Variants in SGCZ observed in about 807,000 individuals in gnomAD.
SGCZ encodes the protein zeta-sarcoglycan.
Under a neutral mutation model 41.3 loss-of-function variants are expected in SGCZ, and 40 were observed. The observed-to-expected ratio is 0.97, with a 90% confidence interval of 0.75 to 1.26. The LOEUF (loss-of-function observed/expected upper bound fraction) is 1.26. SGCZ is among the 50% of genes most tolerant of loss of function. The probability of loss-of-function intolerance (pLI) is 0.00; values close to 1 mark genes in which losing one functional copy is unlikely to be tolerated. For missense variants in SGCZ, 552 were observed against 369.8 expected (o/e 1.49, Z -4.04); for synonymous variants, 206 against 137.5 (o/e 1.50, Z -3.49).
intron 1 of SGCZ, among the ~76,000 whole-genome samples, chr8:14,959,379 T>C (rs753477879): frequency 1.3e-5 from 2 of 152,068 alleles, no homozygotes; most frequent in Non-Finnish European, 2.9e-5. Flanking sequence ...GAGTGAAAGT[T>C]TCAAATTAGC....
intron 2 of SGCZ, among the ~76,000 whole-genome samples, chr8:14,450,461 T>A (rs1254929060): frequency 6.6e-6 from 1 of 152,200 alleles, no homozygotes; most frequent in Non-Finnish European, 1.5e-5. Flanking sequence ...CTTGAAAGTG[T>A]AAGAGAAAAT....
At chr8:14,327,655 G>T (rs1198981551) in intron 2 of SGCZ, among the ~76,000 whole-genome samples, 2 of 152,088 alleles carry the variant, frequency 1.3e-5, no homozygotes, top group East Asian at 3.9e-4. Context: ...TTTGATTTTG[G>T]AGTTTTCAGT....
In SGCZ at chr8:15,170,466, C is replaced by A. The variant is rs184750351; in HGVS notation, c.39+67119G>T. Among the ~76,000 whole-genome samples the A allele has an allele frequency of 4.6e-5, 7 of 152,320 alleles. No individual in the cohort carries two copies. The East Asian group carries it at 1.4e-3, about 29-fold the overall frequency. ...CTTTCCACCCCTGCTTAGAGACCAG[C>A]TTTCCACCTCTCAGAGACCATTCTG... On this transcript the variant is annotated intron_variant, in intron 1 of 7. Transcript: ENST00000382080.
intron 3 of SGCZ, among the ~76,000 whole-genome samples, chr8:14,277,840 T>C (rs1438588567): frequency 6.6e-6 from 1 of 152,024 alleles, no homozygotes; most frequent in Non-Finnish European, 1.5e-5. Context: ...GTAATTGTCT[T>C]AAAATCCCCC....
At chr8:14,926,324 A>C (rs1799748813) in intron 1 of SGCZ, among the ~76,000 whole-genome samples, 1 of 152,224 alleles carries the variant, frequency 6.6e-6, no homozygotes, top group Non-Finnish European at 1.5e-5. Context: ...ACAAATTGTT[A>C]TATCTAATCT....
intron 1 of SGCZ, among the ~76,000 whole-genome samples, chr8:15,108,721 A>G (rs1407533648): frequency 7.6e-4 from 116 of 152,290 alleles, no homozygotes; most frequent in Admixed American, 7.6e-3. Context: ...TTTGAAAATT[A>G]AAAGAATGAA....
chr8:14,814,777 T>C (rs1445654764), intron 1 of SGCZ, among the ~76,000 whole-genome samples: 1 of 152,150 alleles, frequency 6.6e-6, no homozygotes, highest in African/African-American at 2.4e-5. Flanking sequence ...CTATTTCTTT[T>C]TTCTTGAGCA....
chr8:15,141,590 C>G (rs770586340), intron 1 of SGCZ, among the ~76,000 whole-genome samples: 6 of 152,152 alleles, frequency 3.9e-5, no homozygotes, highest in Non-Finnish European at 5.9e-5. Flanking sequence ...GAAGGCTCTG[C>G]CCAAGAAGGC....
intron 1 of SGCZ, among the ~76,000 whole-genome samples, chr8:14,729,377 C>T (rs1252033778): frequency 6.6e-6 from 1 of 152,166 alleles, no homozygotes; most frequent in Non-Finnish European, 1.5e-5. Flanking sequence ...AAAATTCATA[C>T]ATTGAAACCC....
intron 1 of SGCZ, among the ~76,000 whole-genome samples, chr8:14,905,904 T>C (rs1799108381): frequency 6.6e-6 from 1 of 152,024 alleles, no homozygotes; most frequent in African/African-American, 2.4e-5. Context: ...TATACAAATA[T>C]ACACACTTAT....
In SGCZ at chr8:14,729,480, C is replaced by T. The variant is rs372817517; in HGVS notation, c.40-174554G>A. ...GTAAAGGTGAGGACTTATTTCAACA[C>T]GACTGGTGTCTTTAAATAAAGAGGA... On this transcript the variant is annotated intron_variant, in intron 1 of 7. Coordinates refer to ENST00000382080, the MANE Select transcript of SGCZ (RefSeq NM_139167.4). Among the ~76,000 whole-genome samples the T allele has an allele frequency of 2.1e-4, 32 of 152,210 alleles. No individual in the cohort carries two copies. In the South Asian group the frequency reaches 5.4e-3, roughly 26 times the overall value.
At chr8:14,315,189 C>A (rs919300433) in intron 3 of SGCZ, among the ~76,000 whole-genome samples, 1 of 152,136 alleles carries the variant, frequency 6.6e-6, no homozygotes, top group African/African-American at 2.4e-5. Flanking sequence ...TCCAGTGAGT[C>A]ATCTGCAAAA....
At chr8:14,175,919 C>CTGGTAA (rs1436101148) in intron 4 of SGCZ, among the ~76,000 whole-genome samples, 2 of 152,050 alleles carry the variant, frequency 1.3e-5, no homozygotes, top group Non-Finnish European at 2.9e-5. Flanking sequence ...TGAAACTGTA[C>CTGGTAA]TGGTATACCT....
chr8:14,207,342 C>T (rs563426846), intron 4 of SGCZ, among the ~76,000 whole-genome samples: 2 of 152,262 alleles, frequency 1.3e-5, no homozygotes, highest in African/African-American at 4.8e-5. Flanking sequence ...TTTAGTTCTA[C>T]TTAACATTAT....
intron 7 of SGCZ, among the ~76,000 whole-genome samples, chr8:14,101,972 T>C (rs1802035817): frequency 6.6e-6 from 1 of 151,444 alleles, no homozygotes; most frequent in Non-Finnish European, 1.5e-5. Flanking sequence ...AAGCTCCGCC[T>C]CCCATGGGTT....
chr8:14,200,232 G>A (rs566653368), intron 4 of SGCZ, among the ~76,000 whole-genome samples: 1 of 152,238 alleles, frequency 6.6e-6, no homozygotes, highest in South Asian at 2.1e-4. Context: ...TAAATGGTGG[G>A]ATAGACTGTG....
At chr8:15,054,718 G>T (rs1387341769) in intron 1 of SGCZ, among the ~76,000 whole-genome samples, 2 of 151,934 alleles carry the variant, frequency 1.3e-5, no homozygotes, top group Non-Finnish European at 2.9e-5. Flanking sequence ...ACTTTAGGAG[G>T]CTGAGGCGGG....
At chr8:15,044,286 A>G (rs1222603062) in intron 1 of SGCZ, among the ~76,000 whole-genome samples, 4 of 152,088 alleles carry the variant, frequency 2.6e-5, no homozygotes, top group East Asian at 1.9e-4. Context: ...TTCTCCATCA[A>G]TTCAACCCTT....
At chr8:14,264,480 G>A (rs755786401) in intron 3 of SGCZ, among the ~76,000 whole-genome samples, 4 of 152,050 alleles carry the variant, frequency 2.6e-5, no homozygotes, top group Non-Finnish European at 4.4e-5. Flanking sequence ...CAAAACATCC[G>A]CAGTAGACCT....
Sources: gnomAD v4.1 joint callset for allele counts (sites outside exome capture counted in the v4.1 genomes callset) on GRCh38, gnomAD v4.1.1 for gene constraint, MANE v1.5 for transcripts, NCBI Gene and HGNC (gene_info 2026-07-23, HGNC 2026-07-21) for gene names.